Variants in RXYLT1 observed in about 807,000 individuals in gnomAD.
RXYLT1 encodes the protein ribitol-5-phosphate xylosyltransferase 1.
RXYLT1 carries 41 observed loss-of-function variants against 43.5 expected under a neutral mutation model. The ratio of observed to expected loss-of-function variants is 0.94; its 90% CI spans 0.73 to 1.22. The LOEUF is 1.22. RXYLT1 is among the 50% of genes most tolerant of loss of function. The probability of loss-of-function intolerance (pLI) is 0.00; values close to 1 mark genes in which losing one functional copy is unlikely to be tolerated. For synonymous variants in RXYLT1, 166 were observed against 194.4 expected, an observed-to-expected ratio of 0.85 and a Z score of 1.21; for missense variants, 514 against 532.0, an observed-to-expected ratio of 0.97 and a Z score of 0.33.
chr12:63,793,714 G>T (rs561426715), intron 3 of RXYLT1, among the ~76,000 whole-genome samples: 2 of 152,034 alleles, frequency 1.3e-5, no homozygotes, highest in African/African-American at 2.4e-5. Flanking sequence ...AAATATTTAT[G>T]ACCAAAAGGA....
intron 3 of RXYLT1, among the ~76,000 whole-genome samples, chr12:63,786,370 C>G (rs572177878): frequency 6.6e-6 from 1 of 152,304 alleles, no homozygotes; most frequent in African/African-American, 2.4e-5. Context: ...TCTAGAGATA[C>G]TGCGTGTTCA....
intron 4 of RXYLT1, among the ~76,000 whole-genome samples, chr12:63,802,723 A>C (rs1372964027): frequency 1.3e-5 from 2 of 152,156 alleles, no homozygotes; most frequent in East Asian, 1.9e-4. Flanking sequence ...AGATTTTTTT[A>C]AAAACAATGA....
At chr12:63,793,551 C>G (rs867837302) in intron 3 of RXYLT1, among the ~76,000 whole-genome samples, 1 of 152,074 alleles carries the variant, frequency 6.6e-6, no homozygotes, top group African/African-American at 2.4e-5. Context: ...AACTTTTTCT[C>G]CCCTAAATTA....
intron 5 of RXYLT1, chr12:63,808,418 G>A (rs901203630): frequency 3.8e-5 from 17 of 451,400 alleles, no homozygotes; most frequent in Admixed American, 8.7e-5. Flanking sequence ...CCAAAGTATC[G>A]GTTGAATTAT....
In RXYLT1 at chr12:63,802,130, C is replaced by T. The variant is rs774913305; in HGVS notation, c.468C>T (p.Ser156=). 22 of 1,611,792 alleles carry T rather than the reference C, an allele frequency of 1.4e-5. No individual in the cohort carries two copies. The Admixed American group carries it at 2.0e-4, about 15-fold the overall frequency. The part of the protein sequence containing the change: ...TGPAVIPGYF[S]VDVNNVVLIL... ...CAGCTGTAATACCAGGGTACTTCTCCGTTGATGTGAATAATGTGGTACTCA... is the reference window on the plus strand; with the variant it reads ...CAGCTGTAATACCAGGGTACTTCTCTGTTGATGTGAATAATGTGGTACTCA... The change falls in exon 4 of 6, where the codon TCC becomes TCT. Residue 156 remains serine (S), a synonymous_variant. Coordinates refer to ENST00000261234, the MANE Select transcript of RXYLT1 (RefSeq NM_014254.3).
intron 5 of RXYLT1, chr12:63,806,484 G>C (rs1475647963): frequency 6.6e-6 from 1 of 152,208 alleles, no homozygotes; most frequent in Non-Finnish European, 1.5e-5. Context: ...GTGTATATTT[G>C]GGAGAAGACT....
At chr12:63,790,817 CCTCT>C (rs1897905308) in intron 3 of RXYLT1, among the ~76,000 whole-genome samples, 2 of 152,174 alleles carry the variant, frequency 1.3e-5, no homozygotes, top group Non-Finnish European at 2.9e-5. Context: ...AGTTTCTTAA[CCTCT>C]CTGTTTCAGT....
chr12:63,788,644 G>A (rs1466722628), intron 3 of RXYLT1, among the ~76,000 whole-genome samples: 2 of 152,180 alleles, frequency 1.3e-5, no homozygotes, highest in Admixed American at 6.5e-5. Context: ...GAAAAGAGTG[G>A]AGGCCTTGCT....
At chr12:63,784,635 T>A (rs1195852501) in intron 2 of RXYLT1, among the ~76,000 whole-genome samples, 1 of 152,256 alleles carries the variant, frequency 6.6e-6, no homozygotes, top group Admixed American at 6.5e-5. Context: ...ATAGTTTACT[T>A]TGTAATATAA....
rs975901946 is a variant in RXYLT1 at position 63,805,531 on chromosome 12, A to G, written c.914+127A>G. On this transcript the variant is annotated intron_variant, in intron 5 of 5. Transcript: ENST00000261234. ...GTACCAATCTTTCCCCAGAAGATAC[A>G]TTAGTAATTAAAACTGTGAAAAGAC... The G allele has an allele frequency of 8.9e-6, 8 of 902,958 alleles. No individual in the cohort carries two copies. In the African/African-American group the frequency reaches 1.2e-4, roughly 14 times the overall value. The allele number at this position is 902,958 out of a possible 1,614,324, so 55.9% of individuals were successfully genotyped here. A position where few individuals can be genotyped will look rare whatever the true frequency, so the allele number is the denominator to read the frequency against.
rs1299689830 is a variant in RXYLT1 at position 63,809,129 on chromosome 12, T to C, written c.*37T>C. On this transcript the variant is annotated 3_prime_UTR_variant, in exon 6 of 6. Transcript: ENST00000261234. ...AGCTAACATGTGATTTTTAAAATCATTTTGACTACTGGGTGTATAAATGTG... is the reference window on the plus strand; with the variant it reads ...AGCTAACATGTGATTTTTAAAATCACTTTGACTACTGGGTGTATAAATGTG... 1 of 1,347,262 alleles carries C rather than the reference T, an allele frequency of 7.4e-7. No homozygotes were observed. Among genetic ancestry groups the C allele is most frequent in the East Asian group, 2.5e-5 (1 of 40,464 alleles). The allele number at this position is 1,347,262 out of a possible 1,614,324, so 83.5% of individuals were successfully genotyped here.
At chr12:63,793,466 T>C (rs1284389396) in intron 3 of RXYLT1, among the ~76,000 whole-genome samples, 2 of 152,094 alleles carry the variant, frequency 1.3e-5, no homozygotes, top group South Asian at 2.1e-4. Flanking sequence ...CTCATAATTA[T>C]GAAAAAAAGA....
In RXYLT1 at chr12:63,805,405, G is replaced by A; in HGVS notation, c.914+1G>A. The A allele has an allele frequency of 1.3e-6, 2 of 1,596,704 alleles. No homozygotes were observed. Among genetic ancestry groups the A allele is most frequent in the Non-Finnish European group, 1.7e-6 (2 of 1,173,412 alleles). On this transcript the variant is annotated splice_donor_variant, in intron 5 of 5. Coordinates refer to ENST00000261234, the MANE Select transcript of RXYLT1 (RefSeq NM_014254.3). LOFTEE classifies it high-confidence loss of function. ...TTTGTTGGGTTTCAGCAAGAGAACA[G>A]TAAGTTCTATGCTTATTTAATTCAT... is the stretch of plus-strand genomic sequence containing the variant.
At chr12:63,788,379 A>G (rs777804043) in intron 3 of RXYLT1, among the ~76,000 whole-genome samples, 1 of 152,238 alleles carries the variant, frequency 6.6e-6, no homozygotes, top group Non-Finnish European at 1.5e-5. Flanking sequence ...TGAAAGTCCT[A>G]GATGTCATCT....
At chr12:63,805,512 A>G (rs763246498) in intron 5 of RXYLT1, 108 bp downstream of exon 5, 36 of 1,078,568 alleles carry the variant, frequency 3.3e-5, no homozygotes, top group Non-Finnish European at 4.3e-5. Flanking sequence ...ATTTGTACCA[A>G]TCTTTCCCCA....
At chr12:63,801,761 G>A (rs758711703) in intron 3 of RXYLT1, among the ~76,000 whole-genome samples, 3 of 151,950 alleles carry the variant, frequency 2.0e-5, no homozygotes, top group Non-Finnish European at 4.4e-5. Context: ...AGTTGAGGCT[G>A]CAGTGAGCCA....
intron 2 of RXYLT1, among the ~76,000 whole-genome samples, chr12:63,782,261 AT>A (rs1897702230): frequency 6.6e-6 from 1 of 152,192 alleles, no homozygotes; most frequent in Non-Finnish European, 1.5e-5. Flanking sequence ...GGGGAGAAAA[AT>A]TGAAGTAAAA....
At chr12:63,795,332 C>T (rs116891870) in intron 3 of RXYLT1, 4,630 of 152,340 alleles carry the variant, frequency 0.03, 99 homozygotes, top group Middle Eastern at 0.057. Context: ...TAGTGGCTCA[C>T]ACCTGGAATC....
chr12:63,800,920 C>CAAA (rs113859139), intron 3 of RXYLT1, among the ~76,000 whole-genome samples: 1 of 123,214 alleles, frequency 8.1e-6, no homozygotes, highest in African/African-American at 3.0e-5. Flanking sequence ...GACTCTGTCT[C>CAAA]AAAAAAAAAA....
Sources: gnomAD v4.1 joint callset for allele counts (sites outside exome capture counted in the v4.1 genomes callset) on GRCh38, gnomAD v4.1.1 for gene constraint, MANE v1.5 for transcripts, NCBI Gene and HGNC (gene_info 2026-07-23, HGNC 2026-07-21) for gene names.